Variants in INPP4B observed in about 807,000 individuals in gnomAD.
INPP4B encodes inositol polyphosphate-4-phosphatase type II B.
Under a neutral mutation model 122.5 loss-of-function variants are expected in INPP4B, and 55 were observed. That is an observed-to-expected ratio of 0.45 (90% confidence interval 0.36 to 0.56). The LOEUF (loss-of-function observed/expected upper bound fraction) is 0.56. Ranked by LOEUF, INPP4B falls within the 20% of genes least tolerant of loss-of-function variation. The pLI, the probability that INPP4B is intolerant of heterozygous loss-of-function variation, is 0.00. For synonymous variants in INPP4B, 403 were observed against 388.7 expected (o/e 1.04, Z -0.43); for missense variants, 1,000 against 1,097.7 (o/e 0.91, Z 1.26).
chr4:142,737,137 A>C (rs557076187), intron 1 of INPP4B, among the ~76,000 whole-genome samples: 1 of 152,210 alleles, frequency 6.6e-6, no homozygotes, highest in Non-Finnish European at 1.5e-5. Flanking sequence ...GAACCAAAAA[A>C]GAGCCTGCAT....
intron 12 of INPP4B, among the ~76,000 whole-genome samples, chr4:142,223,809 T>C (rs1850376305): frequency 6.6e-6 from 1 of 152,222 alleles, no homozygotes; most frequent in Admixed American, 6.5e-5. Context: ...TGTGAGTCAA[T>C]GGTAGAGCCC....
intron 3 of INPP4B, among the ~76,000 whole-genome samples, chr4:142,435,026 A>G (rs572241037): frequency 6.6e-6 from 1 of 152,298 alleles, no homozygotes; most frequent in South Asian, 2.1e-4. Flanking sequence ...CAGATGGGGG[A>G]GCAGTGACTG....
At chr4:142,687,953 A>C (rs963839396) in intron 2 of INPP4B, among the ~76,000 whole-genome samples, 2 of 152,070 alleles carry the variant, frequency 1.3e-5, no homozygotes, top group African/African-American at 2.4e-5. Context: ...TTGTTCCACT[A>C]TCACTCACTT....
chr4:142,824,341 T>C (rs1188178391), intron 1 of INPP4B, among the ~76,000 whole-genome samples: 2 of 152,098 alleles, frequency 1.3e-5, no homozygotes, highest in Admixed American at 1.3e-4. Flanking sequence ...TCTCTATCTC[T>C]TTCTCCTACT....
chr4:142,513,835 T>C (rs1458205050), intron 2 of INPP4B, among the ~76,000 whole-genome samples: 1 of 152,160 alleles, frequency 6.6e-6, no homozygotes, highest in African/African-American at 2.4e-5. Context: ...AACATATGAA[T>C]TCTAGGGGAG....
chr4:142,366,749 A>G (rs1787649198), intron 7 of INPP4B, among the ~76,000 whole-genome samples: 1 of 152,160 alleles, frequency 6.6e-6, no homozygotes, highest in Non-Finnish European at 1.5e-5. Flanking sequence ...GACATAGTCA[A>G]TAAGAAAGAA....
intron 7 of INPP4B, among the ~76,000 whole-genome samples, chr4:142,324,330 C>A (rs1187684126): frequency 6.6e-6 from 1 of 152,128 alleles, no homozygotes; most frequent in Non-Finnish European, 1.5e-5. Context: ...CTAAGTCTAC[C>A]TGTGTTATCT....
rs80230526 is a variant in INPP4B at position 142,245,565 on chromosome 4, G to A, written c.689-7554C>T. Among the ~76,000 whole-genome samples the A allele has an allele frequency of 3.4e-4, 51 of 151,634 alleles. No homozygotes were observed. The East Asian group carries it at 8.2e-3, about 24-fold the overall frequency. Reference sequence around the variant, plus strand: ...AAATTTTCTTTTTTTGTTGTGTCTCGGCCAGGTTTTTGTATCAGGATGATG... The same window carrying A: ...AAATTTTCTTTTTTTGTTGTGTCTCAGCCAGGTTTTTGTATCAGGATGATG... On this transcript the variant is annotated intron_variant, in intron 11 of 25. Coordinates refer to ENST00000262992, the MANE Select transcript of INPP4B (RefSeq NM_001101669.3).
At chr4:142,246,088 ATGTG>A (rs201517909) in intron 11 of INPP4B, among the ~76,000 whole-genome samples, 3 of 144,984 alleles carry the variant, frequency 2.1e-5, no homozygotes, top group Non-Finnish European at 3.0e-5. Context: ...CATTATATAT[ATGTG>A]TGTGTGTATA....
chr4:142,627,226 T>A (rs961106636), intron 2 of INPP4B, among the ~76,000 whole-genome samples: 25 of 152,018 alleles, frequency 1.6e-4, no homozygotes, highest in Admixed American at 6.6e-4. Flanking sequence ...CCTCTTTTCC[T>A]AATTGAATAC....
At position 142,027,126 on chromosome 4, in the gene INPP4B, G is replaced by T. The variant is rs1248952517; in HGVS notation, c.*1656C>A. On this transcript the variant is annotated 3_prime_UTR_variant, in exon 26 of 26. Transcript: ENST00000262992. ...TCTATGAATGGATTCAAAGTACACAGCACATTTTCATTAAAAAGGCTGTAA... is the reference window on the plus strand; with the variant it reads ...TCTATGAATGGATTCAAAGTACACATCACATTTTCATTAAAAAGGCTGTAA... 6.6e-6 allele frequency: 1 copy of T among 152,134 alleles called. No individual in the cohort carries two copies. The highest frequency in any genetic ancestry group is 1.9e-4 in the East Asian group (1 of 5,190). 9.4% of individuals were successfully genotyped at this position (152,134 alleles called of 1,614,324 possible). A position where few individuals can be genotyped will look rare whatever the true frequency, so the allele number is the denominator to read the frequency against.
chr4:142,710,577 T>C (rs1762997151), intron 2 of INPP4B, among the ~76,000 whole-genome samples: 1 of 152,036 alleles, frequency 6.6e-6, no homozygotes, highest in African/African-American at 2.4e-5. Context: ...ATATAAAAAG[T>C]AGTTTTCATG....
At chr4:142,149,488 T>G (rs1375480026) in intron 17 of INPP4B, among the ~76,000 whole-genome samples, 1 of 152,178 alleles carries the variant, frequency 6.6e-6, no homozygotes, top group East Asian at 1.9e-4. Context: ...CTCCAAAGAC[T>G]TGATTCTTCC....
At chr4:142,753,858 A>G (rs990282668) in intron 1 of INPP4B, among the ~76,000 whole-genome samples, 4 of 152,076 alleles carry the variant, frequency 2.6e-5, no homozygotes, top group African/African-American at 9.7e-5. Flanking sequence ...TACTTATTAC[A>G]TGTAATTTTA....
chr4:142,136,651 C>T (rs1290774248), intron 18 of INPP4B, among the ~76,000 whole-genome samples: 2 of 152,012 alleles, frequency 1.3e-5, no homozygotes, highest in African/African-American at 2.4e-5. Context: ...TGTCAAAGTG[C>T]CTTGAAGTGG....
intron 3 of INPP4B, among the ~76,000 whole-genome samples, chr4:142,452,749 A>G (rs1304098057): frequency 2.0e-5 from 3 of 152,146 alleles, no homozygotes; most frequent in Admixed American, 2.0e-4. Context: ...AAGGATAGAA[A>G]CTTTCACAGG....
At chr4:142,525,917 T>C (rs1021069806) in intron 2 of INPP4B, among the ~76,000 whole-genome samples, 7 of 151,968 alleles carry the variant, frequency 4.6e-5, no homozygotes, top group Non-Finnish European at 8.8e-5. Flanking sequence ...AGAACTTCTG[T>C]ACAGCAAAAG....
chr4:142,547,656 C>G (rs185587183), intron 2 of INPP4B, among the ~76,000 whole-genome samples: 84 of 152,264 alleles, frequency 5.5e-4, no homozygotes, highest in African/African-American at 2.0e-3. Context: ...GCTGAAGTGA[C>G]AGCGTGTTGA....
At chr4:142,610,716 T>A (rs1212057393) in intron 2 of INPP4B, among the ~76,000 whole-genome samples, 2 of 152,176 alleles carry the variant, frequency 1.3e-5, no homozygotes, top group Admixed American at 6.5e-5. Flanking sequence ...ATTATTTGAT[T>A]CTATATTGAT....
Sources: gnomAD v4.1 joint callset for allele counts (sites outside exome capture counted in the v4.1 genomes callset) on GRCh38, gnomAD v4.1.1 for gene constraint, MANE v1.5 for transcripts, NCBI Gene and HGNC (gene_info 2026-07-23, HGNC 2026-07-21) for gene names.